Variants in LRMDA observed in about 807,000 individuals in gnomAD.
LRMDA encodes the protein leucine-rich melanocyte differentiation-associated protein.
LRMDA carries 18 observed loss-of-function variants against 29.8 expected under a neutral mutation model. The ratio of observed to expected loss-of-function variants is 0.60; its 90% CI spans 0.42 to 0.90. The LOEUF is 0.90. Among genes scored for constraint, LRMDA ranks in the 40% least tolerant of loss-of-function variants. The probability of loss-of-function intolerance (pLI) is 0.00; values close to 1 mark genes in which losing one functional copy is unlikely to be tolerated. For synonymous variants in LRMDA, 125 were observed against 109.4 expected (o/e 1.14, Z -0.89); for missense variants, 273 against 273.9 (o/e 1.00, Z 0.02).
chr10:76,003,006 G>C (rs1322447619), intron 2 of LRMDA, among the ~76,000 whole-genome samples: 1 of 152,248 alleles, frequency 6.6e-6, no homozygotes, highest in Non-Finnish European at 1.5e-5. Flanking sequence ...AAACACAAAC[G>C]GAAATGATGA....
intron 1 of LRMDA, among the ~76,000 whole-genome samples, chr10:75,433,606 C>T (rs1844230631): frequency 6.6e-6 from 1 of 152,072 alleles, no homozygotes; most frequent in African/African-American, 2.4e-5. Context: ...CTAATGGCGG[C>T]CGCTTTAAGA....
chr10:75,764,189 C>A (rs1445337299), intron 2 of LRMDA, among the ~76,000 whole-genome samples: 1 of 152,152 alleles, frequency 6.6e-6, no homozygotes, highest in Non-Finnish European at 1.5e-5. Context: ...CCAGGCTTCT[C>A]CCCGGCCCAT....
intron 6 of LRMDA, among the ~76,000 whole-genome samples, chr10:76,505,932 CT>C (rs1842955034): frequency 3.3e-5 from 5 of 152,076 alleles, no homozygotes. Context: ...AATCAATTGG[CT>C]TTGTTTCTGG....
chr10:76,277,800 G>A (rs547563580), intron 5 of LRMDA, among the ~76,000 whole-genome samples: 1 of 152,294 alleles, frequency 6.6e-6, no homozygotes, highest in Admixed American at 6.5e-5. Flanking sequence ...CAGAAAATGG[G>A]GTAGGGAGGA....
chr10:75,777,321 C>G (rs976292310), intron 2 of LRMDA, among the ~76,000 whole-genome samples: 1 of 152,230 alleles, frequency 6.6e-6, no homozygotes, highest in African/African-American at 2.4e-5. Flanking sequence ...CTGTGTGTCT[C>G]TGGGCCATCA....
chr10:75,467,867 A>G (rs905534935), intron 2 of LRMDA, among the ~76,000 whole-genome samples: 4 of 151,544 alleles, frequency 2.6e-5, no homozygotes, highest in Admixed American at 6.6e-5. Flanking sequence ...AGGCTGAGGT[A>G]GGAGAATCGC....
chr10:76,051,234 T>G (rs1848526907), intron 4 of LRMDA, among the ~76,000 whole-genome samples: 1 of 152,308 alleles, frequency 6.6e-6, no homozygotes, highest in South Asian at 2.1e-4. Context: ...TAATCTACAA[T>G]CTGGGCTTTG....
At chr10:76,548,157 G>A (rs1843444410) in intron 6 of LRMDA, among the ~76,000 whole-genome samples, 1 of 152,154 alleles carries the variant, frequency 6.6e-6, no homozygotes, top group Non-Finnish European at 1.5e-5. Flanking sequence ...AGATAGAGTT[G>A]TATGGGTGCC....
At chr10:75,492,314 C>T (rs1196711158) in intron 2 of LRMDA, among the ~76,000 whole-genome samples, 4 of 152,178 alleles carry the variant, frequency 2.6e-5, no homozygotes, top group Non-Finnish European at 4.4e-5. Context: ...TTACATCTTG[C>T]GGTTTTGCTC....
intron 6 of LRMDA, among the ~76,000 whole-genome samples, chr10:76,438,283 A>T (rs1040431927): frequency 6.6e-6 from 1 of 152,126 alleles, no homozygotes; most frequent in Non-Finnish European, 1.5e-5. Context: ...TGGTTGATTG[A>T]GCTTTATGAC....
intron 2 of LRMDA, among the ~76,000 whole-genome samples, chr10:75,796,428 G>A (rs1369530505): frequency 5.9e-5 from 9 of 151,884 alleles, no homozygotes; most frequent in African/African-American, 2.2e-4. Flanking sequence ...TGATTATATG[G>A]GTTTTCTCCT....
At chr10:75,660,023 C>T (rs577419034) in intron 2 of LRMDA, among the ~76,000 whole-genome samples, 1 of 152,230 alleles carries the variant, frequency 6.6e-6, no homozygotes, top group Admixed American at 6.5e-5. Flanking sequence ...CTCTTTCTCT[C>T]CCCATCCCCA....
intron 6 of LRMDA, among the ~76,000 whole-genome samples, chr10:76,423,280 G>C (rs1289394848): frequency 6.6e-6 from 1 of 152,132 alleles, no homozygotes; most frequent in African/African-American, 2.4e-5. Context: ...CTCAGTCCCA[G>C]CTACTTGTGA....
chr10:75,796,614 C>T (rs1843658127), intron 2 of LRMDA, among the ~76,000 whole-genome samples: 1 of 152,092 alleles, frequency 6.6e-6, no homozygotes, highest in African/African-American at 2.4e-5. Flanking sequence ...CTTTTGTCTC[C>T]CAGGCTGGAG....
chr10:76,232,459 A>C (rs1004897905), intron 5 of LRMDA, among the ~76,000 whole-genome samples: 1 of 152,190 alleles, frequency 6.6e-6, no homozygotes, highest in African/African-American at 2.4e-5. Flanking sequence ...TTCATAGGGG[A>C]GAAGAGAGGG....
chr10:75,621,234 C>CCCCCCCCA (rs373236306), intron 2 of LRMDA, among the ~76,000 whole-genome samples: 2 of 144,372 alleles, frequency 1.4e-5, no homozygotes, highest in African/African-American at 5.4e-5. Flanking sequence ...ACCCACACAC[C>CCCCCCCCA]CACACACACA....
At position 75,543,180 on chromosome 10, in the gene LRMDA, C is replaced by T. The variant is rs552053100; in HGVS notation, c.131+104686C>T. Among the ~76,000 whole-genome samples, 3 of 152,336 alleles carry T rather than the reference C, an allele frequency of 2.0e-5. No homozygotes were observed. The South Asian group carries it at 6.2e-4, about 32-fold the overall frequency. On this transcript the variant is annotated intron_variant, in intron 2 of 6. Coordinates refer to ENST00000611255, the MANE Select transcript of LRMDA (RefSeq NM_001305581.2). ...CCATGCCAGAGCAACCCAGCTTTGACGGATTGCTTTCCCGCAGTAATGACT... is the reference window on the plus strand; with the variant it reads ...CCATGCCAGAGCAACCCAGCTTTGATGGATTGCTTTCCCGCAGTAATGACT...
intron 5 of LRMDA, among the ~76,000 whole-genome samples, chr10:76,120,969 A>T (rs1849775465): frequency 6.6e-6 from 1 of 151,932 alleles, no homozygotes. Context: ...AGTAGCTGGG[A>T]CTACAGGTGC....
chr10:75,659,203 T>C (rs938444561), intron 2 of LRMDA, among the ~76,000 whole-genome samples: 1 of 152,214 alleles, frequency 6.6e-6, no homozygotes, highest in Admixed American at 6.5e-5. Flanking sequence ...CTTAGGGAGT[T>C]CAAGAACCGA....
Sources: allele counts gnomAD v4.1 joint callset (sites outside exome capture counted in the v4.1 genomes callset), GRCh38; gene constraint gnomAD v4.1.1; transcripts MANE v1.5; gene names NCBI Gene and HGNC (gene_info 2026-07-23, HGNC 2026-07-21).